EPHA3: variants seen among roughly 807,000 people sequenced by gnomAD.
EPHA3 encodes the protein ephrin type-A receptor 3.
Under a neutral mutation model 107.1 loss-of-function variants are expected in EPHA3, and 42 were observed. The observed-to-expected ratio is 0.39, with a 90% confidence interval of 0.31 to 0.51. The LOEUF (loss-of-function observed/expected upper bound fraction) is 0.51, where lower values mean the gene tolerates loss of function less well. EPHA3 is among the 20% of genes least tolerant of loss of function. The pLI is 0.78. For synonymous variants in EPHA3, 461 were observed against 424.8 expected, an observed-to-expected ratio of 1.09 and a Z score of -1.05; for missense variants, 1,183 against 1,211.2, an observed-to-expected ratio of 0.98 and a Z score of 0.35.
At chr3:89,369,293 A>G (rs1350007245) in intron 5 of EPHA3, among the ~76,000 whole-genome samples, 4 of 150,956 alleles carry the variant, frequency 2.6e-5, no homozygotes, top group Non-Finnish European at 5.9e-5. Flanking sequence ...TACTGGTACC[A>G]AAACAGAGAT....
intron 5 of EPHA3, among the ~76,000 whole-genome samples, chr3:89,359,563 T>A (rs1708042022): frequency 2.0e-5 from 3 of 150,168 alleles, no homozygotes; most frequent in Admixed American, 6.7e-5. Context: ...TTTGCTGTAT[T>A]TTTTAGCACT....
intron 2 of EPHA3, among the ~76,000 whole-genome samples, chr3:89,190,129 T>C (rs987992717): frequency 1.1e-4 from 16 of 152,230 alleles, no homozygotes; most frequent in African/African-American, 3.9e-4. Context: ...CCTGCTTCTT[T>C]GATTTATATT....
intron 16 of EPHA3, among the ~76,000 whole-genome samples, chr3:89,478,793 T>C (rs1017116585): frequency 2.0e-5 from 3 of 152,202 alleles, no homozygotes; most frequent in African/African-American, 4.8e-5. Context: ...ATCATTGATA[T>C]TAGTTTCCTA....
chr3:89,415,468 A>ATT (rs1709228220), intron 10 of EPHA3, among the ~76,000 whole-genome samples: 1 of 62,152 alleles, frequency 1.6e-5, no homozygotes, highest in African/African-American at 9.4e-5. Flanking sequence ...TACAGAAAGA[A>ATT]TATATATATA....
At chr3:89,469,099 G>A (rs575214174) in intron 15 of EPHA3, among the ~76,000 whole-genome samples, 13 of 152,048 alleles carry the variant, frequency 8.5e-5, no homozygotes, top group Non-Finnish European at 1.9e-4. Context: ...CTGAGAGTTA[G>A]TAAAACTAAA....
At chr3:89,399,170 A>T (rs1362990071) in intron 6 of EPHA3, 148 bp from the exon 7 acceptor site, 4 of 797,782 alleles carry the variant, frequency 5.0e-6, no homozygotes, top group Non-Finnish European at 5.5e-6. Flanking sequence ...AGAATAAAAT[A>T]ATTGAAATAA....
chr3:89,475,483 A>G (rs1266926351), intron 16 of EPHA3, among the ~76,000 whole-genome samples: 1 of 152,234 alleles, frequency 6.6e-6, no homozygotes, highest in Non-Finnish European at 1.5e-5. Context: ...GATTTCATTG[A>G]CATGCAAGCT....
intron 1 of EPHA3, among the ~76,000 whole-genome samples, chr3:89,126,252 C>T (rs1704094871): frequency 2.6e-5 from 4 of 151,696 alleles, no homozygotes; most frequent in Admixed American, 2.6e-4. Context: ...ATTAGTCAAT[C>T]ATGGGATTGT....
intron 2 of EPHA3, among the ~76,000 whole-genome samples, chr3:89,187,193 A>G (rs1705586819): frequency 7.1e-6 from 1 of 141,540 alleles, no homozygotes; most frequent in Admixed American, 7.0e-5. Flanking sequence ...TTCTTATTAC[A>G]TCAAATTTGT....
Position 89,351,483 on chromosome 3 carries a change from G to C in EPHA3, c.1306+9393G>C, listed in dbSNP as rs1321599892. ...CCTCGCCCTGCTTCGGCTCGCGCAC[G>C]GTGCGCGCACCCACTGGCCTGCGCC... On this transcript the variant is annotated intron_variant, in intron 5 of 16. Transcript: ENST00000336596. Among the ~76,000 whole-genome samples the C allele has an allele frequency of 1.4e-5, 2 of 143,094 alleles. 1 individual carries two copies. The highest frequency in any genetic ancestry group is 3.1e-5 in the Non-Finnish European group (2 of 63,638). 93.9% of individuals were successfully genotyped at this position (143,094 alleles called of 152,430 possible).
At chr3:89,367,090 G>T (rs1708200403) in intron 5 of EPHA3, among the ~76,000 whole-genome samples, 1 of 150,602 alleles carries the variant, frequency 6.6e-6, no homozygotes, top group South Asian at 2.1e-4. Flanking sequence ...GTTTTACAAA[G>T]TACCTTAATC....
chr3:89,327,536 G>C (rs1707191739), intron 3 of EPHA3, among the ~76,000 whole-genome samples: 1 of 152,066 alleles, frequency 6.6e-6, no homozygotes, highest in South Asian at 2.1e-4. Flanking sequence ...TTATACTGAG[G>C]GCACGTTAGG....
chr3:89,427,996 T>G (rs1464424693), intron 11 of EPHA3, among the ~76,000 whole-genome samples: 2 of 152,110 alleles, frequency 1.3e-5, no homozygotes, highest in African/African-American at 4.8e-5. Context: ...TTGTATAATA[T>G]TACGCTGTAA....
intron 3 of EPHA3, among the ~76,000 whole-genome samples, chr3:89,324,844 T>C (rs1187355031): frequency 2.6e-5 from 4 of 152,158 alleles, no homozygotes; most frequent in Admixed American, 1.3e-4. Context: ...TTTAAACCCT[T>C]ACCCACCTCC....
intron 3 of EPHA3, among the ~76,000 whole-genome samples, chr3:89,248,592 A>G (rs1421886403): frequency 6.6e-6 from 1 of 152,240 alleles, no homozygotes; most frequent in Non-Finnish European, 1.5e-5. Flanking sequence ...AACACTGTAT[A>G]TAATGAATAT....
At chr3:89,124,669 A>G (rs776614793) in intron 1 of EPHA3, among the ~76,000 whole-genome samples, 9 of 152,054 alleles carry the variant, frequency 5.9e-5, no homozygotes, top group Admixed American at 5.2e-4. Flanking sequence ...AAGTCTGTAC[A>G]GCATGTTATA....
rs1370698714 is a variant in EPHA3, at chr3:89,107,721, T to G, written c.-28T>G. The G allele has an allele frequency of 1.9e-6, 3 of 1,599,248 alleles. No individual in the cohort carries two copies. Among genetic ancestry groups the G allele is most frequent in the Non-Finnish European group, 1.7e-6 (2 of 1,166,728 alleles). Reference sequence around the variant, plus strand: ...AGTGGCATGCTTCATGGAGATATGCTCCTCTCACTGCCCTCTGCACCAGCA... The same window carrying G: ...AGTGGCATGCTTCATGGAGATATGCGCCTCTCACTGCCCTCTGCACCAGCA... On this transcript the variant is annotated 5_prime_UTR_variant, in exon 1 of 17. Coordinates refer to ENST00000336596, the MANE Select transcript of EPHA3 (RefSeq NM_005233.6).
intron 3 of EPHA3, among the ~76,000 whole-genome samples, chr3:89,231,065 A>T (rs950370582): frequency 6.6e-6 from 1 of 152,100 alleles, no homozygotes. Flanking sequence ...TACCCATCAA[A>T]TTTTAAAATA....
intron 16 of EPHA3, among the ~76,000 whole-genome samples, chr3:89,476,598 T>TTTAC (rs1291110598): frequency 2.5e-5 from 3 of 118,564 alleles, no homozygotes; most frequent in Non-Finnish European, 5.7e-5. Flanking sequence ...TATTTATTTA[T>TTTAC]TTATTTATTT....
Sources: gnomAD v4.1 joint callset for allele counts (sites outside exome capture counted in the v4.1 genomes callset) on GRCh38, gnomAD v4.1.1 for gene constraint, MANE v1.5 for transcripts, NCBI Gene and HGNC (gene_info 2026-07-23, HGNC 2026-07-21) for gene names.